The following NAV3 variants were observed in gnomAD, a reference collection of about 807,000 sequenced individuals.
NAV3 encodes the protein neuron navigator 3, also known as pore membrane and/or filament interacting like protein 1.
A neutral mutation model predicts 244.7 loss-of-function variants in NAV3; 87 were observed. The ratio of observed to expected loss-of-function variants is 0.36; its 90% CI spans 0.30 to 0.42. NAV3 has a LOEUF of 0.42. NAV3 is among the 20% of genes least tolerant of loss of function. The pLI, the probability that NAV3 is intolerant of heterozygous loss-of-function variation, is 1.00. For synonymous variants in NAV3, 1,126 were observed against 1,042.2 expected, an observed-to-expected ratio of 1.08 and a Z score of -1.55; for missense variants, 2,663 against 2,893.3, an observed-to-expected ratio of 0.92 and a Z score of 1.83.
intron 2 of NAV3, among the ~76,000 whole-genome samples, chr12:77,628,703 G>A (rs1871746414): frequency 6.6e-6 from 1 of 151,690 alleles, no homozygotes; most frequent in African/African-American, 2.4e-5. Flanking sequence ...GGGCAACATG[G>A]TGAAACCCTA....
At position 77,957,912 on chromosome 12, in the gene NAV3, C is replaced by T. The variant is rs576094815; in HGVS notation, c.415-8317C>T. On this transcript the variant is annotated intron_variant, in intron 3 of 39. Transcript: ENST00000397909. Reference sequence around the variant, plus strand: ...AACTCCTTACCTCAGGTTGTCTGCCCGCCTTGGCCTCCCTAAGTGCTGGGA... The same window carrying T: ...AACTCCTTACCTCAGGTTGTCTGCCTGCCTTGGCCTCCCTAAGTGCTGGGA... Among the ~76,000 whole-genome samples, 10 of 152,218 alleles carry T rather than the reference C, an allele frequency of 6.6e-5. No homozygotes were observed. The East Asian group carries it at 1.2e-3, about 18-fold the overall frequency.
intron 29 of NAV3, among the ~76,000 whole-genome samples, chr12:78,179,951 C>A (rs995261302): frequency 2.0e-5 from 3 of 152,116 alleles, no homozygotes; most frequent in African/African-American, 7.2e-5. Flanking sequence ...GAGAGCTAAG[C>A]TTTTAGAGAA....
chr12:77,739,416 T>G (rs971656384), intron 2 of NAV3, among the ~76,000 whole-genome samples: 1 of 152,186 alleles, frequency 6.6e-6, no homozygotes, highest in African/African-American at 2.4e-5. Flanking sequence ...TTAGTTAGTA[T>G]GTTTCTTCTT....
Position 77,772,555 on chromosome 12 carries a change from A to G in NAV3, c.73-167764A>G, listed in dbSNP as rs142032101. Among the ~76,000 whole-genome samples the G allele has an allele frequency of 1.2e-4, 18 of 152,302 alleles. No individual in the cohort carries two copies. The East Asian group carries it at 3.5e-3, about 29-fold the overall frequency. ...TTCACTGAGCAAAACTAGCAAGGAG[A>G]TGCTAGTTAGCAGGTAAGGATTTTT... On this transcript the variant is annotated intron_variant, in intron 2 of 8. Coordinates refer to the NAV3 transcript ENST00000550042.
intron 12 of NAV3, among the ~76,000 whole-genome samples, chr12:78,071,011 A>T (rs1161168883): frequency 5.3e-5 from 8 of 149,936 alleles, no homozygotes; most frequent in Non-Finnish European, 1.2e-4. Flanking sequence ...CGCAATAAAC[A>T]TACGTGTGCA....
At chr12:77,613,051 G>A (rs1422510409) in intron 2 of NAV3, among the ~76,000 whole-genome samples, 1 of 152,092 alleles carries the variant, frequency 6.6e-6, no homozygotes, top group Non-Finnish European at 1.5e-5. Flanking sequence ...TGAACTGTGA[G>A]TCAATTAAAT....
At chr12:77,631,698 C>A (rs1163909707) in intron 2 of NAV3, among the ~76,000 whole-genome samples, 1 of 152,138 alleles carries the variant, frequency 6.6e-6, no homozygotes, top group Non-Finnish European at 1.5e-5. Flanking sequence ...TGGATTATGT[C>A]AGAGGCAAAA....
chr12:77,612,905 A>T (rs960511760), intron 2 of NAV3, among the ~76,000 whole-genome samples: 1 of 152,048 alleles, frequency 6.6e-6, no homozygotes, highest in Non-Finnish European at 1.5e-5. Context: ...GTGTGTTCTC[A>T]TGAGATCTGA....
chr12:77,847,629 G>T (rs1355579681), intron 1 of NAV3, among the ~76,000 whole-genome samples: 2 of 152,158 alleles, frequency 1.3e-5, no homozygotes, highest in Non-Finnish European at 2.9e-5. Context: ...CATTCATTCT[G>T]CATGAGCAAA....
At chr12:77,597,847 T>C (rs934226187) in intron 2 of NAV3, among the ~76,000 whole-genome samples, 1 of 152,096 alleles carries the variant, frequency 6.6e-6, no homozygotes, top group Non-Finnish European at 1.5e-5. Flanking sequence ...GATACTACTT[T>C]TCAGGTAAGC....
chr12:77,950,320 G>T (rs1890750705), intron 3 of NAV3, among the ~76,000 whole-genome samples: 1 of 152,212 alleles, frequency 6.6e-6, no homozygotes, highest in African/African-American at 2.4e-5. Flanking sequence ...AGCATTTGGT[G>T]TTGTCAATGT....
intron 1 of NAV3, among the ~76,000 whole-genome samples, chr12:77,844,032 T>G (rs1041106842): frequency 6.6e-6 from 1 of 152,230 alleles, no homozygotes; most frequent in Non-Finnish European, 1.5e-5. Context: ...TCTGAGCTGT[T>G]GAGCTGTTAA....
intron 1 of NAV3, among the ~76,000 whole-genome samples, chr12:77,932,058 C>G (rs1421748623): frequency 6.6e-6 from 1 of 151,866 alleles, no homozygotes; most frequent in African/African-American, 2.4e-5. Flanking sequence ...TCATTGTTGT[C>G]AAAGACAGAT....
At chr12:77,893,247 A>G (rs549478555) in intron 1 of NAV3, among the ~76,000 whole-genome samples, 2 of 152,318 alleles carry the variant, frequency 1.3e-5, no homozygotes, top group South Asian at 4.1e-4. Context: ...CAGTTACATT[A>G]TGCTGTAAAT....
chr12:78,123,324 G>A (rs1453135407), intron 16 of NAV3, among the ~76,000 whole-genome samples: 1 of 149,806 alleles, frequency 6.7e-6, no homozygotes, highest in African/African-American at 2.5e-5. Context: ...ATCTTTCTAT[G>A]TCTTCCCCTG....
intron 12 of NAV3, among the ~76,000 whole-genome samples, chr12:78,092,486 A>ATTT (rs1953998816): frequency 2.9e-4 from 17 of 59,104 alleles, no homozygotes; most frequent in South Asian, 5.2e-4. Flanking sequence ...AGCGTTAGTT[A>ATTT]TTTTCTTTTT....
intron 2 of NAV3, among the ~76,000 whole-genome samples, chr12:77,636,194 G>A (rs1041212561): frequency 3.3e-5 from 5 of 152,210 alleles, no homozygotes; most frequent in African/African-American, 4.8e-5. Flanking sequence ...GGCCAGGCAC[G>A]GTGGCTCATG....
In NAV3 at chr12:77,831,333, C is replaced by G. The variant is rs1416282447; in HGVS notation, c.-129C>G. Reference sequence around the variant, plus strand: ...CTCTTCCTGAAAATTATATTATTAGCTTTTTAAAAATCAGGATGACTGCTA... The same window carrying G: ...CTCTTCCTGAAAATTATATTATTAGGTTTTTAAAAATCAGGATGACTGCTA... On this transcript the variant is annotated 5_prime_UTR_variant, in exon 1 of 40. Transcript: ENST00000397909. 1.3e-5 allele frequency: 13 copies of G among 991,360 alleles called. No homozygotes were observed. The highest frequency in any genetic ancestry group is 8.5e-5 in the Admixed American group (3 of 35,260). The allele number at this position is 991,360 out of a possible 1,614,324, so 61.4% of individuals were successfully genotyped here. A position where few individuals can be genotyped will look rare whatever the true frequency, so the allele number is the denominator to read the frequency against.
chr12:77,951,131 C>G (rs1221575326), intron 3 of NAV3, among the ~76,000 whole-genome samples: 1 of 152,152 alleles, frequency 6.6e-6, no homozygotes, highest in African/African-American at 2.4e-5. Context: ...AGTGAACAGG[C>G]AACCTACAAA....
Sources: allele counts gnomAD v4.1 joint callset (sites outside exome capture counted in the v4.1 genomes callset), GRCh38; gene constraint gnomAD v4.1.1; transcripts MANE v1.5; gene names NCBI Gene and HGNC (gene_info 2026-07-23, HGNC 2026-07-21).